Variants in PCDH15 observed in about 807,000 individuals in gnomAD.
The protein encoded by PCDH15 is protocadherin-15.
Under a neutral mutation model 178.5 loss-of-function variants are expected in PCDH15, and 129 were observed. The ratio of observed to expected loss-of-function variants is 0.72; its 90% CI spans 0.63 to 0.84. The LOEUF is 0.84. PCDH15 is among the 40% of genes least tolerant of loss of function. The pLI, the probability that PCDH15 is intolerant of heterozygous loss-of-function variation, is 0.00. For synonymous variants in PCDH15, 800 were observed against 732.0 expected, an observed-to-expected ratio of 1.09 and a Z score of -1.50; for missense variants, 2,230 against 2,099.9, an observed-to-expected ratio of 1.06 and a Z score of -1.21.
chr10:55,380,289 C>T (rs528323709), intron 2 of PCDH15, among the ~76,000 whole-genome samples: 17 of 152,136 alleles, frequency 1.1e-4, no homozygotes, highest in African/African-American at 4.1e-4. Context: ...TATGTGAAAA[C>T]ATTGGTTTTT....
intron 2 of PCDH15, among the ~76,000 whole-genome samples, chr10:54,539,600 G>C (rs909354729): frequency 1.3e-5 from 2 of 152,078 alleles, no homozygotes; most frequent in Non-Finnish European, 2.9e-5. Flanking sequence ...AGAAATTCTG[G>C]AATTAAATTT....
intron 21 of PCDH15, among the ~76,000 whole-genome samples, chr10:53,979,448 T>A (rs184190429): frequency 1.3e-5 from 2 of 152,196 alleles, no homozygotes; most frequent in African/African-American, 4.8e-5. Flanking sequence ...CGGTTCAAGA[T>A]GAGATTTGGG....
At chr10:55,237,120 C>T (rs911127455) in intron 1 of PCDH15, among the ~76,000 whole-genome samples, 1 of 152,028 alleles carries the variant, frequency 6.6e-6, no homozygotes, top group African/African-American at 2.4e-5. Context: ...CTCAGTAATT[C>T]ATTTCTTTTT....
At chr10:54,302,582 C>A (rs751809827) in intron 8 of PCDH15, among the ~76,000 whole-genome samples, 8 of 152,268 alleles carry the variant, frequency 5.3e-5, no homozygotes, top group African/African-American at 1.9e-4. Context: ...CCTCAGACAT[C>A]GAATCTACTG....
chr10:54,422,570 A>G (rs1196958680), intron 3 of PCDH15, among the ~76,000 whole-genome samples: 1 of 152,176 alleles, frequency 6.6e-6, no homozygotes, highest in Admixed American at 6.6e-5. Context: ...AGGGGGCCAT[A>G]GGATGTTTAG....
intron 1 of PCDH15, among the ~76,000 whole-genome samples, chr10:55,210,683 T>A (rs1359627286): frequency 1.5e-5 from 2 of 135,448 alleles, no homozygotes; most frequent in Non-Finnish European, 3.1e-5. Flanking sequence ...GGCTGGAGTG[T>A]AGTGGCGCGA....
chr10:54,814,214 G>A (rs1952913356), intron 3 of PCDH15, among the ~76,000 whole-genome samples: 3 of 151,996 alleles, frequency 2.0e-5, no homozygotes, highest in Admixed American at 6.6e-5. Flanking sequence ...TCTTCTTAAC[G>A]GGACCATACA....
At chr10:54,077,418 A>G (rs940550541) in intron 17 of PCDH15, among the ~76,000 whole-genome samples, 4 of 152,130 alleles carry the variant, frequency 2.6e-5, no homozygotes, top group Non-Finnish European at 4.4e-5. Flanking sequence ...TTTTCCTTCC[A>G]TCTGTTTCCT....
chr10:54,311,380 GA>G (rs1026184642), intron 8 of PCDH15, among the ~76,000 whole-genome samples: 1 of 151,778 alleles, frequency 6.6e-6, no homozygotes, highest in Non-Finnish European at 1.5e-5. Context: ...CTGTTCAATT[GA>G]AAAAAATGCA....
chr10:54,266,719 G>A (rs945427792), intron 8 of PCDH15, among the ~76,000 whole-genome samples: 3 of 151,768 alleles, frequency 2.0e-5, no homozygotes, highest in Non-Finnish European at 2.9e-5. Flanking sequence ...ATACCTTCCT[G>A]GAAACACACA....
At chr10:54,397,510 T>C (rs1459914464) in intron 3 of PCDH15, among the ~76,000 whole-genome samples, 1 of 152,084 alleles carries the variant, frequency 6.6e-6, no homozygotes, top group South Asian at 2.1e-4. Context: ...CCTGTTTAAC[T>C]CTATCTGGTA....
At chr10:55,495,216 C>T (rs754062136) in intron 2 of PCDH15, among the ~76,000 whole-genome samples, 3 of 151,466 alleles carry the variant, frequency 2.0e-5, no homozygotes, top group Non-Finnish European at 4.4e-5. Flanking sequence ...AAATATAAAA[C>T]CAAAATTACA....
chr10:54,711,141 G>A (rs2132357569), intron 1 of PCDH15, among the ~76,000 whole-genome samples: 1 of 151,994 alleles, frequency 6.6e-6, no homozygotes, highest in Admixed American at 6.6e-5. Flanking sequence ...TCACAACTCA[G>A]GCTATTCACA....
intron 3 of PCDH15, among the ~76,000 whole-genome samples, chr10:54,865,132 T>C (rs1385797783): frequency 6.6e-6 from 1 of 152,116 alleles, no homozygotes; most frequent in Non-Finnish European, 1.5e-5. Context: ...GGTGTTGCCA[T>C]AGGAGATTAA....
chr10:55,571,485 T>C (rs532890449), intron 2 of PCDH15, among the ~76,000 whole-genome samples: 12 of 151,966 alleles, frequency 7.9e-5, no homozygotes, highest in Admixed American at 2.6e-4. Context: ...AAGTAATAAG[T>C]AAATATCATT....
chr10:54,993,589 C>G (rs1365783023), intron 2 of PCDH15, among the ~76,000 whole-genome samples: 2 of 151,962 alleles, frequency 1.3e-5, no homozygotes, highest in Admixed American at 6.6e-5. Context: ...CAAATTCACA[C>G]TGAATTTGAG....
rs571439334 is a variant in PCDH15, at chr10:54,296,933, C to G, written c.876+20338G>C. On this transcript the variant is annotated intron_variant, in intron 8 of 37. Transcript: ENST00000644397. ...AACAGGAGAATGCTTAGGACTCTAA[C>G]AGGTTTTCTAGAATGCATTGGTAAG... 2.0e-5 allele frequency among the ~76,000 whole-genome samples: 3 copies of G among 152,274 alleles called. No individual in the cohort carries two copies. The South Asian group carries it at 6.2e-4, about 32-fold the overall frequency.
chr10:54,970,605 T>C (rs948275527), intron 2 of PCDH15, among the ~76,000 whole-genome samples: 2 of 98,222 alleles, frequency 2.0e-5, no homozygotes, highest in Non-Finnish European at 3.8e-5. Context: ...AAATATTAAA[T>C]GGAAAATTCC....
intron 2 of PCDH15, among the ~76,000 whole-genome samples, chr10:55,066,786 TTTTAA>T (rs1426259768): frequency 2.0e-5 from 3 of 151,376 alleles, no homozygotes; most frequent in African/African-American, 7.2e-5. Context: ...TTTTATTTTA[TTTTAA>T]TTTATTAATT....
Sources: gnomAD v4.1 joint callset for allele counts (sites outside exome capture counted in the v4.1 genomes callset) on GRCh38, gnomAD v4.1.1 for gene constraint, MANE v1.5 for transcripts, NCBI Gene and HGNC (gene_info 2026-07-23, HGNC 2026-07-21) for gene names.